Variants in NPAS3 observed in about 807,000 individuals in gnomAD.
NPAS3 encodes the protein neuronal PAS domain protein 3.
A neutral mutation model predicts 73.1 loss-of-function variants in NPAS3; 14 were observed. The ratio of observed to expected loss-of-function variants is 0.19; its 90% CI spans 0.13 to 0.30. The LOEUF (loss-of-function observed/expected upper bound fraction) is 0.30. Among genes scored for constraint, NPAS3 ranks in the 10% least tolerant of loss-of-function variants. The pLI is 1.00. For missense variants in NPAS3, 1,096 were observed against 1,250.0 expected (o/e 0.88, Z 1.86); for synonymous variants, 620 against 541.5 (o/e 1.14, Z -2.01).
chr14:33,559,350 TAA>T (rs1376283116), intron 4 of NPAS3, among the ~76,000 whole-genome samples: 1 of 152,232 alleles, frequency 6.6e-6, no homozygotes, highest in Non-Finnish European at 1.5e-5. Flanking sequence ...AAAGAAGGCA[TAA>T]TTCCTTATTA....
In NPAS3 at chr14:33,558,591, A is replaced by T. The variant is rs1441123701; in HGVS notation, c.469-1530A>T. ...CAAAATTTTATATATACGTACATACATATAATATATGTGTGTGCATCTGTA... is the reference window on the plus strand; with the variant it reads ...CAAAATTTTATATATACGTACATACTTATAATATATGTGTGTGCATCTGTA... On this transcript the variant is annotated intron_variant, in intron 4 of 11. Transcript: ENST00000356141. Among the ~76,000 whole-genome samples, 3 of 151,940 alleles carry T rather than the reference A, an allele frequency of 2.0e-5. No individual in the cohort carries two copies. The East Asian group carries it at 5.8e-4, about 29-fold the overall frequency.
chr14:33,465,410 G>A (rs2050461088), intron 4 of NPAS3, among the ~76,000 whole-genome samples: 1 of 152,134 alleles, frequency 6.6e-6, no homozygotes, highest in African/African-American at 2.4e-5. Context: ...GCAGTTCACA[G>A]TAAGATCAGT....
upstream of NPAS3, chr14:32,934,890 G>A: frequency 2.3e-6 from 2 of 873,354 alleles, no homozygotes; most frequent in South Asian, 5.0e-5. The surrounding 1 kb of genome is among the most constrained non-coding windows in gnomAD (Gnocchi z 4.1). Flanking sequence ...TGACGGCCGC[G>A]GCGGCCGGCG....
At chr14:33,021,318 C>A (rs1215414360) in intron 1 of NPAS3, among the ~76,000 whole-genome samples, 1 of 152,186 alleles carries the variant, frequency 6.6e-6, no homozygotes, top group African/African-American at 2.4e-5. Flanking sequence ...CTATTATCCC[C>A]ATTTTACAGA....
At chr14:33,463,760 A>T (rs2050380164) in intron 4 of NPAS3, among the ~76,000 whole-genome samples, 1 of 152,216 alleles carries the variant, frequency 6.6e-6, no homozygotes, top group Non-Finnish European at 1.5e-5. Context: ...TTAAGACATC[A>T]CAGTGGAATA....
intron 2 of NPAS3, 45 bp from the exon 3 acceptor site, chr14:33,215,135 CAG>C (rs2139675579): frequency 1.3e-6 from 2 of 1,580,396 alleles, no homozygotes; most frequent in Non-Finnish European, 1.7e-6. Context: ...TGAATGATGA[CAG>C]AGTCACATAT....
intron 2 of NPAS3, among the ~76,000 whole-genome samples, chr14:33,165,032 G>C (rs777278511): frequency 1.3e-5 from 2 of 152,116 alleles, no homozygotes; most frequent in Non-Finnish European, 2.9e-5. Context: ...TATGAAAGGT[G>C]TAAGAGAGAC....
intron 6 of NPAS3, chr14:33,680,840 T>C (rs548958685): frequency 3.2e-5 from 18 of 556,264 alleles, no homozygotes; most frequent in Non-Finnish European, 5.1e-5. Context: ...GGCTAACCCA[T>C]TGGTTGTGTA....
In NPAS3 at chr14:33,800,581, G is replaced by A; in HGVS notation, c.2274G>A (p.Lys758=). Residue 758 remains lysine, a synonymous_variant, in exon 12 of 12, where the codon AAG becomes AAA. Transcript: ENST00000356141. The surrounding 1 kb of genome is among the most constrained non-coding windows in gnomAD (Gnocchi z 6.5). Reference sequence around the variant, plus strand: ...CGCTCTCGGCGTCCCCGCGGGACAAGCACCCCGGGAACGGCGGCGGGGGCG... The same window carrying A: ...CGCTCTCGGCGTCCCCGCGGGACAAACACCCCGGGAACGGCGGCGGGGGCG... 1 of 1,305,512 alleles carries A rather than the reference G, an allele frequency of 7.7e-7. No individual in the cohort carries two copies. The highest frequency in any genetic ancestry group is 9.7e-7 in the Non-Finnish European group (1 of 1,036,166). 80.9% of individuals were successfully genotyped at this position (1,305,512 alleles called of 1,614,324 possible).
intron 5 of NPAS3, among the ~76,000 whole-genome samples, chr14:33,609,471 A>G (rs1283791325): frequency 1.3e-5 from 2 of 152,006 alleles, no homozygotes; most frequent in African/African-American, 4.8e-5. Context: ...TTCAACCCAA[A>G]TGTATTTGTA....
At chr14:33,437,315 G>T (rs781092383) in intron 4 of NPAS3, among the ~76,000 whole-genome samples, 5 of 152,154 alleles carry the variant, frequency 3.3e-5, no homozygotes, top group Non-Finnish European at 4.4e-5. Flanking sequence ...TCCTAAGGCG[G>T]TATAGAACCA....
At chr14:33,341,608 G>T (rs1026507372) in intron 3 of NPAS3, among the ~76,000 whole-genome samples, 1 of 152,076 alleles carries the variant, frequency 6.6e-6, no homozygotes, top group Non-Finnish European at 1.5e-5. Flanking sequence ...GGAAGGGCTG[G>T]TTCCTCACAG....
chr14:33,670,872 C>T (rs1267857962), intron 5 of NPAS3, among the ~76,000 whole-genome samples: 1 of 144,950 alleles, frequency 6.9e-6, no homozygotes, highest in Non-Finnish European at 1.5e-5. Flanking sequence ...AGAAGGACTC[C>T]TGAGAAAGAG....
chr14:33,466,593 G>A (rs868286664), intron 4 of NPAS3, among the ~76,000 whole-genome samples: 1 of 152,136 alleles, frequency 6.6e-6, no homozygotes, highest in African/African-American at 2.4e-5. Flanking sequence ...AAGAGAATAG[G>A]TTTAATTGGC....
intron 2 of NPAS3, among the ~76,000 whole-genome samples, chr14:33,142,064 GT>G (rs554188678): frequency 2.6e-5 from 4 of 151,590 alleles, no homozygotes; most frequent in Non-Finnish European, 5.9e-5. Context: ...CTATTTTTCT[GT>G]TAGAACTTTA....
chr14:33,718,721 C>T (rs542593111), intron 6 of NPAS3, among the ~76,000 whole-genome samples: 2 of 152,178 alleles, frequency 1.3e-5, no homozygotes, highest in African/African-American at 2.4e-5. Flanking sequence ...TTTACCTCCA[C>T]GTGGATTTAT....
intron 5 of NPAS3, among the ~76,000 whole-genome samples, chr14:33,626,520 A>G (rs2058224635): frequency 6.6e-6 from 1 of 152,222 alleles, no homozygotes; most frequent in Admixed American, 6.5e-5. Context: ...TATGAAACGT[A>G]GACTATTGGG....
At chr14:33,747,302 A>G (rs1164941394) in intron 7 of NPAS3, among the ~76,000 whole-genome samples, 2 of 152,160 alleles carry the variant, frequency 1.3e-5, no homozygotes, top group African/African-American at 2.4e-5. Context: ...CATGGATGAA[A>G]TTGGAAATCA....
At chr14:33,269,723 A>G (rs1048171393) in intron 3 of NPAS3, among the ~76,000 whole-genome samples, 4 of 151,994 alleles carry the variant, frequency 2.6e-5, no homozygotes, top group Non-Finnish European at 5.9e-5. Flanking sequence ...ATGGCTGCCA[A>G]TGCCAAAAAG....
Sources: allele counts gnomAD v4.1 joint callset (sites outside exome capture counted in the v4.1 genomes callset), GRCh38; gene constraint gnomAD v4.1.1; non-coding constraint Gnocchi (gnomAD v3.1); transcripts MANE v1.5; gene names NCBI Gene and HGNC (gene_info 2026-07-23, HGNC 2026-07-21).